Variants in DLGAP2 observed in about 807,000 individuals in gnomAD.
DLGAP2 encodes the protein DLG associated protein 2.
Under a neutral mutation model 100.3 loss-of-function variants are expected in DLGAP2, and 26 were observed. The observed-to-expected ratio is 0.26, with a 90% CI of 0.19 to 0.36. The LOEUF is 0.36. Among genes scored for constraint, DLGAP2 ranks in the 10% least tolerant of loss-of-function variants. The pLI, the probability that DLGAP2 is intolerant of heterozygous loss-of-function variation, is 1.00. For synonymous variants in DLGAP2, 886 were observed against 630.1 expected, an observed-to-expected ratio of 1.41 and a Z score of -6.08; for missense variants, 1,858 against 1,453.2, an observed-to-expected ratio of 1.28 and a Z score of -4.53.
At chr8:795,903 G>T in intron 1 of DLGAP2, among the ~76,000 whole-genome samples, 2 of 128,472 alleles carry the variant, frequency 1.6e-5, no homozygotes, top group Admixed American at 8.4e-5. Flanking sequence ...AGTGAGAGCA[G>T]CTGTCCAGTG....
intron 3 of DLGAP2, among the ~76,000 whole-genome samples, chr8:1,409,399 G>A (rs1010112859): frequency 6.6e-6 from 1 of 152,226 alleles, no homozygotes; most frequent in Non-Finnish European, 1.5e-5. Context: ...GGCAGTCCTG[G>A]TGCTGAGCAC....
At chr8:1,575,330 A>G (rs2130618601) in intron 6 of DLGAP2, among the ~76,000 whole-genome samples, 1 of 152,118 alleles carries the variant, frequency 6.6e-6, no homozygotes, top group East Asian at 1.9e-4. Context: ...CCACCTAAAT[A>G]CAGGACCTAA....
intron 2 of DLGAP2, among the ~76,000 whole-genome samples, chr8:1,138,660 C>T (rs1193778331): frequency 6.6e-6 from 1 of 152,258 alleles, no homozygotes; most frequent in Non-Finnish European, 1.5e-5. Context: ...TGGCCTCCCT[C>T]TCAGGTCTGC....
chr8:1,524,931 T>C (rs1800741095), intron 4 of DLGAP2, among the ~76,000 whole-genome samples: 1 of 152,136 alleles, frequency 6.6e-6, no homozygotes, highest in South Asian at 2.1e-4. Flanking sequence ...TCCCCGGTTA[T>C]TTGTTGGTAT....
chr8:1,082,348 T>C (rs1242798942), intron 2 of DLGAP2, among the ~76,000 whole-genome samples: 1 of 152,220 alleles, frequency 6.6e-6, no homozygotes, highest in African/African-American at 2.4e-5. Flanking sequence ...TCTTCCCATT[T>C]CTACGTTTTC....
At chr8:1,153,894 C>T (rs574530616) in intron 2 of DLGAP2, among the ~76,000 whole-genome samples, 1 of 152,174 alleles carries the variant, frequency 6.6e-6, no homozygotes, top group Non-Finnish European at 1.5e-5. Flanking sequence ...AAAATCAGTT[C>T]AAGTGCACTG....
At chr8:1,288,556 GT>G (rs1232295635) in intron 3 of DLGAP2, among the ~76,000 whole-genome samples, 8,305 of 50,098 alleles carry the variant, frequency 0.17, 507 homozygotes, top group Admixed American at 0.21. Flanking sequence ...GTGTGTGTGT[GT>G]GTGGTTAGGA....
At chr8:812,090 A>C (rs529200813) in intron 1 of DLGAP2, among the ~76,000 whole-genome samples, 1 of 152,192 alleles carries the variant, frequency 6.6e-6, no homozygotes, top group Non-Finnish European at 1.5e-5. Context: ...GTGCTCCTCC[A>C]TCTCTGCAAG....
intron 3 of DLGAP2, among the ~76,000 whole-genome samples, chr8:1,362,735 A>T (rs2129665065): frequency 6.6e-6 from 1 of 152,360 alleles, no homozygotes; most frequent in Non-Finnish European, 1.5e-5. Context: ...CAAGAGCCAA[A>T]GCCTTAGTGT....
At chr8:1,211,215 T>C (rs1446506997) in intron 2 of DLGAP2, among the ~76,000 whole-genome samples, 1 of 152,224 alleles carries the variant, frequency 6.6e-6, no homozygotes. Flanking sequence ...ATCCTCCCCA[T>C]CACTTCTGTT....
intron 1 of DLGAP2, among the ~76,000 whole-genome samples, chr8:802,187 G>T (rs1585879469): frequency 4.7e-5 from 7 of 149,210 alleles, no homozygotes; most frequent in African/African-American, 1.5e-4. Context: ...ATGGCCTGGG[G>T]AATGGTCTGC....
At chr8:1,507,365 G>A (rs988797775) in intron 4 of DLGAP2, among the ~76,000 whole-genome samples, 1 of 152,214 alleles carries the variant, frequency 6.6e-6, no homozygotes, top group Non-Finnish European at 1.5e-5. Flanking sequence ...ACTGCTGGGG[G>A]ACCCAGCACA....
At chr8:1,355,357 G>C (rs1163841061) in intron 3 of DLGAP2, among the ~76,000 whole-genome samples, 3 of 152,038 alleles carry the variant, frequency 2.0e-5, no homozygotes, top group Non-Finnish European at 4.4e-5. Flanking sequence ...GCAAGTATGA[G>C]TGGTTTTTTG....
intron 2 of DLGAP2, among the ~76,000 whole-genome samples, chr8:1,197,258 G>T (rs1486494415): frequency 6.6e-6 from 1 of 152,220 alleles, no homozygotes; most frequent in Non-Finnish European, 1.5e-5. Flanking sequence ...GACACACCCG[G>T]AAGTCATGTT....
At chr8:1,576,541 C>A (rs1371183307) in intron 6 of DLGAP2, among the ~76,000 whole-genome samples, 1 of 152,174 alleles carries the variant, frequency 6.6e-6, no homozygotes, top group Non-Finnish European at 1.5e-5. Flanking sequence ...GAAGTCCTTG[C>A]CCATGCGTAT....
intron 2 of DLGAP2, among the ~76,000 whole-genome samples, chr8:1,125,763 T>G (rs991756592): frequency 6.6e-6 from 1 of 152,212 alleles, no homozygotes; most frequent in African/African-American, 2.4e-5. Flanking sequence ...AACCAGTGTT[T>G]GGGAATTTGA....
chr8:1,642,348 G>A (rs1269874229), intron 8 of DLGAP2, among the ~76,000 whole-genome samples: 3 of 57,396 alleles, frequency 5.2e-5, no homozygotes, highest in African/African-American at 1.2e-4. Flanking sequence ...CGACCCCGCC[G>A]GTCCTCACCT....
In DLGAP2 at chr8:1,548,985, G is replaced by A. The variant is rs1801656438; in HGVS notation, c.532G>A (p.Val178Met). ...CTACGACACGCGCGACGACTGCGCTGTGGCCCACGCGGGCGCCAAGATCAA... is the reference window on the plus strand; with the variant it reads ...CTACGACACGCGCGACGACTGCGCTATGGCCCACGCGGGCGCCAAGATCAA... ...SHYDTRDDCA[V>M]AHAGAKINRI... The change falls in exon 5 of 15, where the codon GTG becomes ATG. Residue 178 changes from valine (V) to methionine (M), a missense_variant. Val to Met is a conservative substitution (Grantham distance 21, BLOSUM62 1). Transcript: ENST00000637795. 2 of 1,599,426 alleles carry A rather than the reference G, an allele frequency of 1.3e-6. No homozygotes were observed. Among genetic ancestry groups the A allele is most frequent in the African/African-American group, 1.3e-5 (1 of 75,040 alleles).
At chr8:1,427,062 A>G (rs1001520263) in intron 3 of DLGAP2, among the ~76,000 whole-genome samples, 1 of 152,224 alleles carries the variant, frequency 6.6e-6, no homozygotes, top group Non-Finnish European at 1.5e-5. Context: ...TTATTTTAAT[A>G]AACTTTAGTT....
Sources: gnomAD v4.1 joint callset for allele counts (sites outside exome capture counted in the v4.1 genomes callset) on GRCh38, gnomAD v4.1.1 for gene constraint, MANE v1.5 for transcripts, NCBI Gene and HGNC (gene_info 2026-07-23, HGNC 2026-07-21) for gene names.